The following CPNE8 variants were observed in gnomAD, a reference collection of about 807,000 sequenced individuals.
CPNE8 encodes copine 8, also known as copine-8.
CPNE8 carries 45 observed loss-of-function variants against 81.5 expected under a neutral mutation model. That is an observed-to-expected ratio of 0.55 (90% CI 0.44 to 0.71). The LOEUF (loss-of-function observed/expected upper bound fraction) is 0.71, where lower values mean the gene tolerates loss of function less well. Ranked by LOEUF, CPNE8 falls within the 30% of genes least tolerant of loss-of-function variation. CPNE8 has a pLI of 0.00. For missense variants in CPNE8, 594 were observed against 672.1 expected, an observed-to-expected ratio of 0.88 and a Z score of 1.28; for synonymous variants, 252 against 226.3, an observed-to-expected ratio of 1.11 and a Z score of -1.02.
chr12:38,745,377 G>C (rs569282238), intron 10 of CPNE8, among the ~76,000 whole-genome samples: 1 of 152,234 alleles, frequency 6.6e-6, no homozygotes, highest in East Asian at 1.9e-4. Context: ...TCCATGCTTT[G>C]CCTGGTATTT....
At position 38,905,568 on chromosome 12, in the gene CPNE8, C is replaced by T; in HGVS notation, c.-34G>A. Reference sequence around the variant, plus strand: ...GAGGCGCCTTGGACTTGTCCGGCGCCCACAACCACAGCTCGGGCGGACTGA... The same window carrying T: ...GAGGCGCCTTGGACTTGTCCGGCGCTCACAACCACAGCTCGGGCGGACTGA... On this transcript the variant is annotated 5_prime_UTR_variant, in exon 1 of 20. Transcript: ENST00000331366. The T allele has an allele frequency of 6.5e-7, 1 of 1,545,776 alleles. No homozygotes were observed. The highest frequency in any genetic ancestry group is 2.4e-5 in the East Asian group (1 of 41,268).
Position 38,799,199 on chromosome 12 carries a change from C to G in CPNE8, c.408-22898G>C, listed in dbSNP as rs1044666977. ...GAACTCATCTCTGCACCAAGGGGACCTAATAGACATCTACAGAACTCTCCA... is the reference window on the plus strand; with the variant it reads ...GAACTCATCTCTGCACCAAGGGGACGTAATAGACATCTACAGAACTCTCCA... On this transcript the variant is annotated intron_variant, in intron 6 of 19. Transcript: ENST00000331366. 2.0e-5 allele frequency among the ~76,000 whole-genome samples: 3 copies of G among 152,098 alleles called. No individual in the cohort carries two copies. In the South Asian group the frequency reaches 6.2e-4, roughly 32 times the overall value.
At chr12:38,747,502 T>A (rs1368051489) in intron 10 of CPNE8, among the ~76,000 whole-genome samples, 2 of 152,174 alleles carry the variant, frequency 1.3e-5, no homozygotes, top group East Asian at 3.9e-4. Flanking sequence ...GATACAGAAT[T>A]GCATTAAAAA....
chr12:38,762,687 A>G (rs1401992774), intron 8 of CPNE8, among the ~76,000 whole-genome samples: 1 of 152,212 alleles, frequency 6.6e-6, no homozygotes, highest in Non-Finnish European at 1.5e-5. Flanking sequence ...GGCTAATTTA[A>G]GGGAAAAGAA....
At chr12:38,850,311 A>G (rs1377450979) in intron 3 of CPNE8, among the ~76,000 whole-genome samples, 4 of 152,170 alleles carry the variant, frequency 2.6e-5, no homozygotes, top group African/African-American at 9.7e-5. Flanking sequence ...CTGGATTTTT[A>G]ACCCAAACTC....
Position 38,669,645 on chromosome 12 carries a change from T to C in CPNE8, c.1506+1084A>G, listed in dbSNP as rs1024082198. Among the ~76,000 whole-genome samples the C allele has an allele frequency of 3.3e-5, 5 of 152,184 alleles. No individual in the cohort carries two copies. In the South Asian group the frequency reaches 1.0e-3, roughly 32 times the overall value. ...ATGCATTTTAAGGAAATTACTTCTC[T>C]TCTGACTACAAGCAGCCACAAAGAG... On this transcript the variant is annotated intron_variant, in intron 19 of 19. Coordinates refer to ENST00000331366, the MANE Select transcript of CPNE8 (RefSeq NM_153634.3).
chr12:38,795,090 C>A (rs1043872844), intron 6 of CPNE8, among the ~76,000 whole-genome samples: 1 of 152,146 alleles, frequency 6.6e-6, no homozygotes, highest in Non-Finnish European at 1.5e-5. Context: ...GCTCTTGGGC[C>A]TTCAGCCACA....
At chr12:38,893,485 G>A (rs1354020896) in intron 1 of CPNE8, among the ~76,000 whole-genome samples, 1 of 131,680 alleles carries the variant, frequency 7.6e-6, no homozygotes, top group African/African-American at 2.8e-5. Flanking sequence ...TCTAAAAAGG[G>A]GAGGCATGAA....
chr12:38,671,838 G>A (rs973500395), intron 18 of CPNE8, among the ~76,000 whole-genome samples: 1 of 151,968 alleles, frequency 6.6e-6, no homozygotes, highest in Non-Finnish European at 1.5e-5. Context: ...GGGCTGAAAC[G>A]CTGCTAGTAT....
At chr12:38,733,862 G>A (rs189789335) in intron 10 of CPNE8, among the ~76,000 whole-genome samples, 16 of 151,904 alleles carry the variant, frequency 1.1e-4, no homozygotes, top group Non-Finnish European at 1.8e-4. Context: ...GTGGGAAAAC[G>A]GTATTATGCA....
Position 38,799,987 on chromosome 12 carries a change from A to C in CPNE8, c.408-23686T>G, listed in dbSNP as rs1254755472. Among the ~76,000 whole-genome samples the C allele has an allele frequency of 3.4e-5, 5 of 146,830 alleles. No individual in the cohort carries two copies. In the East Asian group the frequency reaches 1.0e-3, roughly 30 times the overall value. ...GGCGCACCACGAGACTGTATCCCAC[A>C]CCTGGCTCAGAGGGTCCTACGCCCA... On this transcript the variant is annotated intron_variant, in intron 6 of 19. Coordinates refer to ENST00000331366, the MANE Select transcript of CPNE8 (RefSeq NM_153634.3).
chr12:38,859,868 AT>A lies in CPNE8; in HGVS notation c.187-11207del, dbSNP rs553900659. Among the ~76,000 whole-genome samples the A allele has an allele frequency of 1.2e-3, 186 of 152,262 alleles. 1 individual carries two copies. Among genetic ancestry groups the A allele is most frequent in the African/African-American group, 4.2e-3 (173 of 41,588 alleles). Reference sequence around the variant, plus strand: ...AAATTCAATATTCATATACAAATAAATGAAACTGGCCACTTATCCTACATCA... The same window carrying A: ...AAATTCAATATTCATATACAAATAAAGAAACTGGCCACTTATCCTACATCA... On this transcript the variant is annotated intron_variant, in intron 3 of 19. Coordinates refer to ENST00000331366, the MANE Select transcript of CPNE8 (RefSeq NM_153634.3).
chr12:38,833,351 C>CAAAAAAAAAAA (rs774534221), intron 5 of CPNE8, among the ~76,000 whole-genome samples: 5 of 61,838 alleles, frequency 8.1e-5, no homozygotes, highest in Non-Finnish European at 1.1e-4. Context: ...GACCTTATCT[C>CAAAAAAAAAAA]AAAAAAAAAA....
chr12:38,702,670 T>C (rs919976191), intron 14 of CPNE8, among the ~76,000 whole-genome samples: 2 of 152,098 alleles, frequency 1.3e-5, no homozygotes, highest in African/African-American at 4.8e-5. Context: ...AATGAGACTA[T>C]TAGCATTTTT....
chr12:38,727,856 T>C (rs1191216808), intron 11 of CPNE8, among the ~76,000 whole-genome samples: 1 of 152,176 alleles, frequency 6.6e-6, no homozygotes, highest in African/African-American at 2.4e-5. Flanking sequence ...ATCTAGGGAA[T>C]TCTTATCTCC....
chr12:38,903,328 AT>A (rs56748675), intron 1 of CPNE8, among the ~76,000 whole-genome samples: 2 of 151,692 alleles, frequency 1.3e-5, no homozygotes, highest in Admixed American at 6.6e-5. Context: ...CTCTTTCAGG[AT>A]TTTTTTTTCC....
At chr12:38,786,755 TATAAAG>T (rs759314382) in intron 6 of CPNE8, among the ~76,000 whole-genome samples, 33 of 152,240 alleles carry the variant, frequency 2.2e-4, no homozygotes, top group South Asian at 2.1e-3. Flanking sequence ...AAGGTCACTA[TATAAAG>T]ATAAAGGGGT....
At chr12:38,871,978 A>C (rs929046283) in intron 3 of CPNE8, among the ~76,000 whole-genome samples, 8 of 152,154 alleles carry the variant, frequency 5.3e-5, no homozygotes, top group African/African-American at 1.9e-4. Context: ...TCTACCAAAA[A>C]TACAAAATTA....
At chr12:38,769,274 A>T (rs1166421806) in intron 7 of CPNE8, among the ~76,000 whole-genome samples, 2 of 152,210 alleles carry the variant, frequency 1.3e-5, no homozygotes, top group Admixed American at 1.3e-4. Context: ...AGGAACATTT[A>T]TAACAGAGCA....
Sources: allele counts gnomAD v4.1 joint callset (sites outside exome capture counted in the v4.1 genomes callset), GRCh38; gene constraint gnomAD v4.1.1; transcripts MANE v1.5; gene names NCBI Gene and HGNC (gene_info 2026-07-23, HGNC 2026-07-21).